The following FHIT variants were observed in gnomAD, a reference collection of about 807,000 sequenced individuals.
FHIT encodes the protein fragile histidine triad diadenosine triphosphatase.
Under a neutral mutation model 17.9 loss-of-function variants are expected in FHIT, and 19 were observed. The ratio of observed to expected loss-of-function variants is 1.06; its 90% CI spans 0.74 to 1.56. The LOEUF is 1.56. FHIT is among the 40% of genes most tolerant of loss of function. The pLI is 0.00. For missense variants in FHIT, 248 were observed against 189.2 expected, an observed-to-expected ratio of 1.31 and a Z score of -1.82; for synonymous variants, 81 against 69.7, an observed-to-expected ratio of 1.16 and a Z score of -0.81.
At chr3:59,899,343 G>A (rs544736709) in intron 8 of FHIT, among the ~76,000 whole-genome samples, 2 of 152,318 alleles carry the variant, frequency 1.3e-5, no homozygotes, top group South Asian at 4.1e-4. Flanking sequence ...CTGGAGTAGG[G>A]AGGCATGGAA....
chr3:60,251,390 A>G (rs1705703622), intron 5 of FHIT, among the ~76,000 whole-genome samples: 1 of 152,192 alleles, frequency 6.6e-6, no homozygotes, highest in African/African-American at 2.4e-5. Flanking sequence ...TTTCTATGCA[A>G]GCACCCAACC....
intron 4 of FHIT, among the ~76,000 whole-genome samples, chr3:60,704,527 C>T (rs1553702967): frequency 6.6e-6 from 1 of 152,170 alleles, no homozygotes; most frequent in African/African-American, 2.4e-5. Flanking sequence ...ATCATTAGTG[C>T]TGCATCAGCA....
chr3:60,053,700 C>CAA (rs1575986439), intron 5 of FHIT, among the ~76,000 whole-genome samples: 1 of 151,930 alleles, frequency 6.6e-6, no homozygotes, highest in East Asian at 1.9e-4. Flanking sequence ...TGCTTTCCTG[C>CAA]AAGTCATATC....
intron 7 of FHIT, among the ~76,000 whole-genome samples, chr3:60,007,504 T>C (rs1168809191): frequency 6.6e-6 from 1 of 152,182 alleles, no homozygotes; most frequent in African/African-American, 2.4e-5. Flanking sequence ...CATCATTCTC[T>C]TCCCCACACA....
intron 7 of FHIT, among the ~76,000 whole-genome samples, chr3:60,001,493 C>T (rs1699727470): frequency 6.6e-6 from 1 of 152,110 alleles, no homozygotes; most frequent in Non-Finnish European, 1.5e-5. Context: ...AGGCAGGATA[C>T]TCATTTCCTG....
chr3:59,892,959 G>C, intron 8 of FHIT, among the ~76,000 whole-genome samples: 1 of 152,114 alleles, frequency 6.6e-6, no homozygotes, highest in East Asian at 1.9e-4. Flanking sequence ...CTTTAAATTA[G>C]AATTTTAAGT....
At chr3:60,154,878 G>C (rs183114505) in intron 5 of FHIT, among the ~76,000 whole-genome samples, 12 of 152,250 alleles carry the variant, frequency 7.9e-5, no homozygotes, top group African/African-American at 2.4e-4. Flanking sequence ...TAGTTGCAAA[G>C]AATCCCAGCA....
chr3:60,880,290 A>T (rs1391505278), intron 3 of FHIT, among the ~76,000 whole-genome samples: 11 of 152,244 alleles, frequency 7.2e-5, no homozygotes, highest in Non-Finnish European at 2.9e-5. Context: ...ATCCTTTAGA[A>T]ATGAGGAAGA....
chr3:60,295,197 C>T (rs1303681185), intron 5 of FHIT, among the ~76,000 whole-genome samples: 1 of 152,026 alleles, frequency 6.6e-6, no homozygotes, highest in Admixed American at 6.6e-5. Flanking sequence ...CTACAGTGGG[C>T]TATGATTACA....
In FHIT at chr3:60,124,053, G is replaced by GAC. The variant is rs1559653995; in HGVS notation, c.104-109902_104-109901insGT. ...AGAGAGAGAGAGAGAGAGAGAGAGA[G>GAC]AGACAGAGAGAGAGAGAGATACAAA... On this transcript the variant is annotated intron_variant, in intron 5 of 9. Transcript: ENST00000492590. Among the ~76,000 whole-genome samples, 7 of 119,488 alleles carry GAC rather than the reference G, an allele frequency of 5.9e-5. No individual in the cohort carries two copies. In the East Asian group the frequency reaches 1.2e-3, roughly 21 times the overall value. 78.4% of individuals were successfully genotyped at this position (119,488 alleles called of 152,430 possible).
intron 5 of FHIT, among the ~76,000 whole-genome samples, chr3:60,124,009 T>TATATAG (rs1384962194): frequency 1.6e-4 from 2 of 12,158 alleles, no homozygotes; most frequent in Non-Finnish European, 1.5e-4. Context: ...TATATATATA[T>TATATAG]AGAGAGAGAG....
chr3:60,137,026 T>C (rs1699844223), intron 5 of FHIT, among the ~76,000 whole-genome samples: 1 of 152,200 alleles, frequency 6.6e-6, no homozygotes, highest in African/African-American at 2.4e-5. Flanking sequence ...CCTTTTGGCA[T>C]TAGCATGAAT....
intron 3 of FHIT, among the ~76,000 whole-genome samples, chr3:60,902,422 A>G (rs547022172): frequency 6.6e-6 from 1 of 152,340 alleles, no homozygotes; most frequent in African/African-American, 2.4e-5. Flanking sequence ...GATTTCACAA[A>G]TCACCCATAC....
chr3:60,328,161 T>C (rs1400691956), intron 5 of FHIT, among the ~76,000 whole-genome samples: 3 of 886 alleles, frequency 3.4e-3, no homozygotes, highest in African/African-American at 0.014. Context: ...GGCAATGTAG[T>C]CTATTGGAAA....
At chr3:61,140,894 T>C (rs1188143975) in intron 2 of FHIT, among the ~76,000 whole-genome samples, 1 of 152,222 alleles carries the variant, frequency 6.6e-6, no homozygotes, top group Non-Finnish European at 1.5e-5. Context: ...GCCATTCTTA[T>C]CTAATGAAAG....
chr3:59,939,358 T>C (rs995115896), intron 7 of FHIT, among the ~76,000 whole-genome samples: 5 of 152,054 alleles, frequency 3.3e-5, no homozygotes, highest in Non-Finnish European at 7.4e-5. Context: ...GACCCTACAC[T>C]AACAGAGGGA....
intron 5 of FHIT, among the ~76,000 whole-genome samples, chr3:60,150,044 G>A (rs1700399088): frequency 7.1e-6 from 1 of 140,926 alleles, no homozygotes; most frequent in Non-Finnish European, 1.5e-5. Flanking sequence ...TGCCCAGGCT[G>A]GAGTGCAGTG....
chr3:59,774,113 G>A (rs1019503571), intron 8 of FHIT, among the ~76,000 whole-genome samples: 2 of 152,304 alleles, frequency 1.3e-5, no homozygotes, highest in Middle Eastern at 6.8e-3. Context: ...TACAGCGTGA[G>A]ATGCGCTGGT....
At chr3:60,196,088 T>C (rs982842770) in intron 5 of FHIT, among the ~76,000 whole-genome samples, 14 of 152,178 alleles carry the variant, frequency 9.2e-5, no homozygotes, top group Non-Finnish European at 1.8e-4. Context: ...TTACTGAGGA[T>C]GGACATATTA....
Sources: allele counts gnomAD v4.1 joint callset (sites outside exome capture counted in the v4.1 genomes callset), GRCh38; gene constraint gnomAD v4.1.1; transcripts MANE v1.5; gene names NCBI Gene and HGNC (gene_info 2026-07-23, HGNC 2026-07-21).